Variants in CPEB2 observed in about 807,000 individuals in gnomAD.
The protein encoded by CPEB2 is cytoplasmic polyadenylation element binding protein 2.
A neutral mutation model predicts 93.6 loss-of-function variants in CPEB2; 56 were observed. The observed-to-expected ratio is 0.60, with a 90% CI of 0.48 to 0.75. The LOEUF is 0.75. CPEB2 is among the 30% of genes least tolerant of loss of function. CPEB2 has a pLI of 0.00. For synonymous variants in CPEB2, 764 were observed against 586.3 expected (o/e 1.30, Z -4.38); for missense variants, 1,579 against 1,395.1 (o/e 1.13, Z -2.10).
At chr4:15,041,408 T>G (rs1020065589) in intron 6 of CPEB2, among the ~76,000 whole-genome samples, 1 of 151,434 alleles carries the variant, frequency 6.6e-6, no homozygotes, top group African/African-American at 2.4e-5. Flanking sequence ...TTGATCACTT[T>G]TTTTTTTTTT....
chr4:15,026,556 TCTTTC>T (rs1385518082), intron 4 of CPEB2, among the ~76,000 whole-genome samples: 1 of 152,160 alleles, frequency 6.6e-6, no homozygotes, highest in Admixed American at 6.6e-5. Context: ...TTTCACATAA[TCTTTC>T]ACATAAGACT....
At chr4:15,022,329 C>G (rs1724905433) in intron 4 of CPEB2, among the ~76,000 whole-genome samples, 1 of 152,166 alleles carries the variant, frequency 6.6e-6, no homozygotes, top group Admixed American at 6.5e-5. Flanking sequence ...GTCATCTGCT[C>G]TTACAGGACT....
Position 15,003,059 on chromosome 4 carries a change from C to T in CPEB2, c.386C>T (p.Ala129Val), listed in dbSNP as rs1302445053. Residue 129 changes from alanine to valine, a missense_variant, in exon 1 of 12, where the codon GCG (alanine) becomes GTG (valine). By Grantham distance (64) the Ala-to-Val change is moderately conservative. Around this residue, in one of 2 missense-constraint regions of CPEB2, gnomAD observed 1,411 missense variants for 1,056.0 expected, o/e 1.34. Coordinates refer to ENST00000538197, the MANE Select transcript of CPEB2 (RefSeq NM_001177382.2). ...PDHHPGGGTI[A>V]GVTHLLPSQD... ...CACCACCCCGGCGGCGGCACGATCG[C>T]GGGTGTGACCCACCTCCTCCCCTCC... is the stretch of plus-strand genomic sequence containing the variant. 5 of 1,520,428 alleles carry T rather than the reference C, an allele frequency of 3.3e-6. No homozygotes were observed. In the East Asian group the frequency reaches 7.4e-5, roughly 22 times the overall value. 94.2% of individuals were successfully genotyped at this position (1,520,428 alleles called of 1,614,324 possible).
At position 15,002,680 on chromosome 4, in the gene CPEB2, G is replaced by A. The variant is rs1249629550; in HGVS notation, c.7G>A (p.Asp3Asn). The stretch of plus-strand genomic sequence containing the variant: ...GCTGCCGGCGGCCTGATAAATGAGG[G>A]ATTTCGGGTTTGGGGTGCTGCAGAC... MR[D>N]FGFGVLQTAP... The change falls in exon 1 of 12, where the codon GAT becomes AAT. Residue 3 changes from aspartate (D) to asparagine (N), a missense_variant. Physicochemically the swap from Asp to Asn is conservative, Grantham distance 23. Transcript: ENST00000538197. 4.7e-6 allele frequency: 7 copies of A among 1,499,466 alleles called. No homozygotes were observed. The highest frequency in any genetic ancestry group is 3.7e-5 in the South Asian group (3 of 81,208). The allele number at this position is 1,499,466 out of a possible 1,614,324, so 92.9% of individuals were successfully genotyped here. A position where few individuals can be genotyped will look rare whatever the true frequency, so the allele number is the denominator to read the frequency against.
intron 8 of CPEB2, among the ~76,000 whole-genome samples, chr4:15,054,878 A>T (rs569466879): frequency 6.6e-6 from 1 of 152,202 alleles, no homozygotes; most frequent in Non-Finnish European, 1.5e-5. Context: ...TCTGAAATGA[A>T]TAAAAAAAAG....
chr4:15,058,601 A>G (rs2109097145), intron 9 of CPEB2, 62 bp downstream of exon 9: 2 of 867,582 alleles, frequency 2.3e-6, no homozygotes, highest in Admixed American at 2.1e-5. Flanking sequence ...TTGTTTTGAA[A>G]TGATTGTTAA....
At position 15,067,288 on chromosome 4, in the gene CPEB2, A is replaced by C. The variant is rs920666789; in HGVS notation, c.*908A>C. The C allele has an allele frequency of 1.3e-5, 2 of 152,492 alleles. No individual in the cohort carries two copies. The highest frequency in any genetic ancestry group is 2.4e-5 in the African/African-American group (1 of 41,436). 9.4% of individuals were successfully genotyped at this position (152,492 alleles called of 1,614,324 possible). ...ATTATTGTGACTTCAAGTTTAAAAA[A>C]TCGTCTTACATGTGTACAATATGCA... On this transcript the variant is annotated 3_prime_UTR_variant, in exon 12 of 12. Coordinates refer to ENST00000538197, the MANE Select transcript of CPEB2 (RefSeq NM_001177382.2).
intron 4 of CPEB2, 90 bp downstream of exon 4, chr4:15,017,368 C>T (rs981124032): frequency 1.7e-6 from 1 of 571,446 alleles, no homozygotes; most frequent in East Asian, 3.0e-5. Context: ...ACCTAAGTAG[C>T]ACCTATATCC....
intron 10 of CPEB2, among the ~76,000 whole-genome samples, chr4:15,061,460 C>T (rs1439466739): frequency 6.6e-6 from 1 of 151,792 alleles, no homozygotes; most frequent in Non-Finnish European, 1.5e-5. Flanking sequence ...GTGTTCAATG[C>T]TACTTACAGA....
chr4:15,029,377 G>A (rs1725841116), intron 4 of CPEB2, among the ~76,000 whole-genome samples: 1 of 151,972 alleles, frequency 6.6e-6, no homozygotes, highest in Admixed American at 6.6e-5. Flanking sequence ...AGACGAATAA[G>A]AAAATTTTTA....
intron 8 of CPEB2, among the ~76,000 whole-genome samples, chr4:15,056,723 T>G (rs1207371353): frequency 6.6e-6 from 1 of 152,202 alleles, no homozygotes; most frequent in Non-Finnish European, 1.5e-5. Context: ...CTAGAGTCCC[T>G]TAGATGCTAA....
chr4:15,064,095 T>C (rs1212050194), intron 11 of CPEB2, among the ~76,000 whole-genome samples: 4 of 152,214 alleles, frequency 2.6e-5, no homozygotes, highest in African/African-American at 9.6e-5. Context: ...GGAATGAAAA[T>C]TGTTTATTCC....
intron 5 of CPEB2, among the ~76,000 whole-genome samples, chr4:15,039,210 G>T (rs1726928504): frequency 6.6e-6 from 1 of 152,122 alleles, no homozygotes; most frequent in Non-Finnish European, 1.5e-5. Flanking sequence ...TCTGATATAA[G>T]CCTTATAGTG....
intron 3 of CPEB2, among the ~76,000 whole-genome samples, chr4:15,011,741 A>T (rs1443134867): frequency 6.6e-6 from 1 of 152,230 alleles, no homozygotes; most frequent in African/African-American, 2.4e-5. Flanking sequence ...ATTATTACTT[A>T]CAAGTTTACA....
chr4:15,051,011 C>G (rs964534284), intron 6 of CPEB2, among the ~76,000 whole-genome samples: 1 of 152,172 alleles, frequency 6.6e-6, no homozygotes, highest in African/African-American at 2.4e-5. Flanking sequence ...ATTTTCCTTT[C>G]TTATACCAGT....
chr4:15,016,801 C>G (rs1247385389), intron 3 of CPEB2, among the ~76,000 whole-genome samples: 1 of 151,860 alleles, frequency 6.6e-6, no homozygotes, highest in Non-Finnish European at 1.5e-5. Context: ...TATTTATTTT[C>G]TATGTGCCAC....
chr4:15,047,038 A>G (rs576684492), intron 6 of CPEB2, among the ~76,000 whole-genome samples: 4 of 152,324 alleles, frequency 2.6e-5, no homozygotes, highest in Admixed American at 1.3e-4. Context: ...GAAAAGATTT[A>G]CTTTTCCACA....
rs559192565 is a variant in CPEB2, at chr4:15,047,927, T to A, written c.2201-4487T>A. Among the ~76,000 whole-genome samples, 17 of 151,348 alleles carry A rather than the reference T, an allele frequency of 1.1e-4. No individual in the cohort carries two copies. The East Asian group carries it at 2.5e-3, about 22-fold the overall frequency. On this transcript the variant is annotated intron_variant, in intron 6 of 11. Transcript: ENST00000538197. The stretch of plus-strand genomic sequence containing the variant: ...CTGGGAGTTGTGGTTTTTTTTTTTT[T>A]AATTATGAATAGCTGTTGAGTTTTA...
chr4:15,034,208 G>A (rs1726388722), intron 5 of CPEB2, among the ~76,000 whole-genome samples: 1 of 152,158 alleles, frequency 6.6e-6, no homozygotes, highest in Non-Finnish European at 1.5e-5. Context: ...TCTAGCGCAT[G>A]CCAGTCTAGT....
Sources: allele counts gnomAD v4.1 joint callset (sites outside exome capture counted in the v4.1 genomes callset), GRCh38; gene constraint gnomAD v4.1.1; regional missense constraint gnomAD v4.1.1; transcripts MANE v1.5; gene names NCBI Gene and HGNC (gene_info 2026-07-23, HGNC 2026-07-21).